Variants in CNTRL observed in about 807,000 individuals in gnomAD.
CNTRL encodes centriolin.
A neutral mutation model predicts 303.7 loss-of-function variants in CNTRL; 233 were observed. That is an observed-to-expected ratio of 0.77 (90% CI 0.69 to 0.86). The LOEUF (loss-of-function observed/expected upper bound fraction) is 0.86. Among genes scored for constraint, CNTRL ranks in the 40% least tolerant of loss-of-function variants. CNTRL has a pLI of 0.00. For synonymous variants in CNTRL, 900 were observed against 922.2 expected (o/e 0.98, Z 0.44); for missense variants, 2,524 against 2,650.6 (o/e 0.95, Z 1.05).
chr9:121,164,164 G>A (rs971621720), intron 34 of CNTRL, among the ~76,000 whole-genome samples: 4 of 152,168 alleles, frequency 2.6e-5, no homozygotes, highest in Admixed American at 2.0e-4. Flanking sequence ...GCATCTGGCC[G>A]GAACTTTCAT....
chr9:121,172,547 G>A (rs2053354646), intron 40 of CNTRL, among the ~76,000 whole-genome samples: 1 of 152,066 alleles, frequency 6.6e-6, no homozygotes, highest in South Asian at 2.1e-4. Context: ...AGGCTGAGGG[G>A]GGAGGATTGC....
intron 15 of CNTRL, among the ~76,000 whole-genome samples, chr9:121,136,372 T>C (rs1201951943): frequency 1.3e-5 from 2 of 152,120 alleles, no homozygotes; most frequent in African/African-American, 4.8e-5. Flanking sequence ...TACAGTGGCA[T>C]GATGACGGCT....
At chr9:121,126,257 T>A (rs2050517588) in intron 14 of CNTRL, among the ~76,000 whole-genome samples, 1 of 152,248 alleles carries the variant, frequency 6.6e-6, no homozygotes. Flanking sequence ...ATATTTTATT[T>A]GTGCTGAAAA....
intron 14 of CNTRL, among the ~76,000 whole-genome samples, chr9:121,131,077 A>C (rs537972468): frequency 2.6e-5 from 4 of 152,196 alleles, no homozygotes; most frequent in South Asian, 4.2e-4. Context: ...GGAATAAGTG[A>C]GATGTGGTGC....
At chr9:121,121,475 T>C (rs2050220361) in intron 12 of CNTRL, among the ~76,000 whole-genome samples, 2 of 152,358 alleles carry the variant, frequency 1.3e-5, no homozygotes, top group Admixed American at 1.3e-4. Context: ...TCAGCAAATA[T>C]AAGCATTTAA....
At chr9:121,078,518 T>G (rs1318043649) in intron 1 of CNTRL, among the ~76,000 whole-genome samples, 2 of 152,212 alleles carry the variant, frequency 1.3e-5, no homozygotes, top group Non-Finnish European at 2.9e-5. Flanking sequence ...AAGCAAGCAG[T>G]TAGTTCTGCA....
At chr9:121,137,571 T>A (rs921014350) in intron 15 of CNTRL, among the ~76,000 whole-genome samples, 1 of 152,246 alleles carries the variant, frequency 6.6e-6, no homozygotes, top group Non-Finnish European at 1.5e-5. Context: ...ATAGTAATTA[T>A]GTATATTTCT....
chr9:121,094,806 A>T (rs1027158232), intron 4 of CNTRL, 82 bp from the exon 5 acceptor site: 25 of 1,042,618 alleles, frequency 2.4e-5, no homozygotes, highest in Non-Finnish European at 3.3e-5. Flanking sequence ...GATCAAACAG[A>T]CCCTGATGCA....
At chr9:121,078,143 G>T (rs1029610556) in intron 1 of CNTRL, among the ~76,000 whole-genome samples, 7 of 151,634 alleles carry the variant, frequency 4.6e-5, no homozygotes, top group African/African-American at 1.7e-4. Context: ...GCTGGGCATG[G>T]TGGCTGTAAT....
In CNTRL at chr9:121,090,742, C is replaced by T. The variant is rs185122890; in HGVS notation, c.348+337C>T. ...TGTGGTTGTTTTTGCACTACAGTAG[C>T]AGAGCTTAGTAGTTGCCACAGACTA... is the stretch of plus-strand genomic sequence containing the variant. On this transcript the variant is annotated intron_variant, in intron 4 of 43. Transcript: ENST00000373855. Among the ~76,000 whole-genome samples, 272 of 152,310 alleles carry T rather than the reference C, an allele frequency of 1.8e-3. 1 individual carries two copies. The highest frequency in any genetic ancestry group is 3.4e-3 in the Non-Finnish European group (231 of 68,034).
intron 19 of CNTRL, among the ~76,000 whole-genome samples, chr9:121,143,610 T>C (rs1390798760): frequency 1.3e-5 from 2 of 152,236 alleles, no homozygotes; most frequent in Non-Finnish European, 2.9e-5. Context: ...AGGGCCTGAT[T>C]CAGTGATTTC....
chr9:121,141,752 G>A, intron 18 of CNTRL, 164 bp downstream of exon 18: 1 of 704,084 alleles, frequency 1.4e-6, no homozygotes. Flanking sequence ...CCTGAATGTG[G>A]TTATAATGTC....
chr9:121,175,421 T>C (rs1403958579), intron 43 of CNTRL, among the ~76,000 whole-genome samples, 197 bp downstream of exon 43: 1 of 152,054 alleles, frequency 6.6e-6, no homozygotes, highest in East Asian at 1.9e-4. Context: ...CACACACCAC[T>C]TGGCTTGGCC....
At chr9:121,148,955 C>A (rs1438387131) in intron 24 of CNTRL, 94 bp downstream of exon 24, 1 of 1,138,194 alleles carries the variant, frequency 8.8e-7, no homozygotes, top group African/African-American at 1.6e-5. Context: ...ATCCAGACTC[C>A]TTAGCTAGCT....
At chr9:121,166,288 A>G in intron 36 of CNTRL, 108 bp downstream of exon 36, 1 of 686,136 alleles carries the variant, frequency 1.5e-6, no homozygotes, top group South Asian at 2.0e-5. Context: ...AACAGCAGAT[A>G]CCGTAGGGCC....
chr9:121,157,553 A>C lies in CNTRL; in HGVS notation c.4449A>C (p.Arg1483Ser). The C allele has an allele frequency of 6.2e-7, 1 of 1,614,156 alleles. No individual in the cohort carries two copies. Among genetic ancestry groups the C allele is most frequent in the Non-Finnish European group, 8.5e-7 (1 of 1,180,008 alleles). Reference protein sequence around the residue: ...TESDAEELERRAQETAVNLVK... With the variant: ...TESDAEELERSAQETAVNLVK... ...CAGATGCTGAGGAATTAGAAAGGAG[A>C]GCTCAGGAAACTGCTGTTAACCTCG... Residue 1483 changes from arginine to serine, a missense_variant, in exon 28 of 44, where the codon AGA (arginine) becomes AGC (serine). Physicochemically the swap from Arg to Ser is moderately radical, Grantham distance 110 (BLOSUM62 -1). Coordinates refer to ENST00000373855, the MANE Select transcript of CNTRL (RefSeq NM_007018.6).
chr9:121,115,339 G>A, intron 11 of CNTRL, 139 bp downstream of exon 11: 1 of 494,114 alleles, frequency 2.0e-6, no homozygotes, highest in Non-Finnish European at 3.6e-6. Context: ...AGTCAAATAT[G>A]GTTCTAGAAT....
In CNTRL at chr9:121,160,364, A is replaced by C. The variant is rs961556086; in HGVS notation, c.5089+62A>C. The C allele has an allele frequency of 2.4e-6, 3 of 1,234,494 alleles. No homozygotes were observed. The African/African-American group carries it at 4.7e-5, about 19-fold the overall frequency. 76.5% of individuals were successfully genotyped at this position (1,234,494 alleles called of 1,614,324 possible). A position where few individuals can be genotyped will look rare whatever the true frequency, so the allele number is the denominator to read the frequency against. On this transcript the variant is annotated intron_variant, in intron 32 of 43. Coordinates refer to ENST00000373855, the MANE Select transcript of CNTRL (RefSeq NM_007018.6). Reference sequence around the variant, plus strand: ...GTTGGAAATGTCTGTATTACAAGTCACAGAAAAAATAACAAATGGCCAAAA... The same window carrying C: ...GTTGGAAATGTCTGTATTACAAGTCCCAGAAAAAATAACAAATGGCCAAAA...
intron 34 of CNTRL, among the ~76,000 whole-genome samples, chr9:121,162,696 A>T (rs1444521671): frequency 6.6e-6 from 1 of 152,322 alleles, no homozygotes; most frequent in East Asian, 1.9e-4. Flanking sequence ...TCTAAGACCT[A>T]GAATAGAATT....
Sources: allele counts gnomAD v4.1 joint callset (sites outside exome capture counted in the v4.1 genomes callset), GRCh38; gene constraint gnomAD v4.1.1; transcripts MANE v1.5; gene names NCBI Gene and HGNC (gene_info 2026-07-23, HGNC 2026-07-21).